Variants in LINGO2 observed in about 807,000 individuals in gnomAD.
LINGO2 encodes the protein leucine rich repeat and Ig domain containing 2.
A neutral mutation model predicts 30.6 loss-of-function variants in LINGO2; 14 were observed. The observed-to-expected ratio is 0.46, with a 90% CI of 0.30 to 0.72. LINGO2 has a LOEUF of 0.72. Among genes scored for constraint, LINGO2 ranks in the 30% least tolerant of loss-of-function variants. LINGO2 has a pLI of 0.07. For synonymous variants in LINGO2, 317 were observed against 288.5 expected (o/e 1.10, Z -1.00); for missense variants, 729 against 751.7 (o/e 0.97, Z 0.35).
At chr9:29,090,900 C>T in the LINGO2 span, among the ~76,000 whole-genome samples, 2 of 151,916 alleles carry the variant, frequency 1.3e-5, no homozygotes, top group African/African-American at 2.4e-5. Flanking sequence ...CCCTCTGATG[C>T]TTACTTTTCA....
chr9:28,483,439 G>T (rs775989562), intron 1 of LINGO2, among the ~76,000 whole-genome samples: 1 of 151,866 alleles, frequency 6.6e-6, no homozygotes, highest in Non-Finnish European at 1.5e-5. Flanking sequence ...ATGATGTTTT[G>T]TATTGAGTGC....
chr9:28,736,126 A>G, the LINGO2 span, among the ~76,000 whole-genome samples: 1 of 152,220 alleles, frequency 6.6e-6, no homozygotes, highest in Non-Finnish European at 1.5e-5. Flanking sequence ...ACAGAACTCA[A>G]CAGACTCTTG....
At chr9:28,192,190 A>G (rs1819845780) in intron 4 of LINGO2, among the ~76,000 whole-genome samples, 1 of 152,096 alleles carries the variant, frequency 6.6e-6, no homozygotes, top group Non-Finnish European at 1.5e-5. Flanking sequence ...TCATCTCTCA[A>G]ATGTGTATGT....
the LINGO2 span, among the ~76,000 whole-genome samples, chr9:28,781,003 T>C: frequency 6.6e-6 from 1 of 152,116 alleles, no homozygotes; most frequent in Admixed American, 6.6e-5. Context: ...TGTAAGGTAA[T>C]ACTAATAAGA....
At chr9:28,387,302 C>G (rs1243361326) in intron 2 of LINGO2, among the ~76,000 whole-genome samples, 2 of 151,964 alleles carry the variant, frequency 1.3e-5, no homozygotes. Context: ...ATGCACCAAT[C>G]AGCACTATAA....
At chr9:28,090,728 G>C (rs1826055296) in intron 4 of LINGO2, among the ~76,000 whole-genome samples, 1 of 152,122 alleles carries the variant, frequency 6.6e-6, no homozygotes, top group Admixed American at 6.6e-5. Context: ...AATTAGGGAG[G>C]AGAAAGAAAT....
chr9:29,119,863 G>T, the LINGO2 span, among the ~76,000 whole-genome samples: 3 of 151,990 alleles, frequency 2.0e-5, no homozygotes, highest in African/African-American at 7.2e-5. Context: ...CTCCCAAAGT[G>T]CTTGTAATTC....
chr9:28,755,330 T>G, the LINGO2 span, among the ~76,000 whole-genome samples: 2 of 152,126 alleles, frequency 1.3e-5, no homozygotes, highest in South Asian at 4.1e-4. Flanking sequence ...AAAGCTTTTC[T>G]ATTTACTAGC....
At chr9:28,248,460 G>C (rs1399383137) in intron 4 of LINGO2, among the ~76,000 whole-genome samples, 1 of 152,148 alleles carries the variant, frequency 6.6e-6, no homozygotes, top group African/African-American at 2.4e-5. Flanking sequence ...ACCAGTGGTT[G>C]GAATGGGTCA....
intron 4 of LINGO2, among the ~76,000 whole-genome samples, chr9:28,209,284 G>A (rs1267586957): frequency 6.6e-6 from 1 of 151,948 alleles, no homozygotes; most frequent in Non-Finnish European, 1.5e-5. Context: ...CCTAGGTTAA[G>A]GTGCTAAAAG....
At chr9:29,058,728 T>A in the LINGO2 span, among the ~76,000 whole-genome samples, 2 of 150,112 alleles carry the variant, frequency 1.3e-5, no homozygotes, top group Non-Finnish European at 3.0e-5. Flanking sequence ...AAAGGAAAAA[T>A]GAAAACCAAA....
chr9:28,347,289 G>A (rs77101422), intron 3 of LINGO2, among the ~76,000 whole-genome samples: 2,045 of 152,132 alleles, frequency 0.013, 37 homozygotes, highest in African/African-American at 0.047. Flanking sequence ...TATGATTAAG[G>A]CCCTTGCATT....
chr9:28,796,898 T>C, the LINGO2 span, among the ~76,000 whole-genome samples: 2 of 151,718 alleles, frequency 1.3e-5, no homozygotes, highest in African/African-American at 4.8e-5. Flanking sequence ...TAGTATTGGA[T>C]GATGGTCTGC....
At chr9:28,783,454 T>C in the LINGO2 span, among the ~76,000 whole-genome samples, 1 of 152,154 alleles carries the variant, frequency 6.6e-6, no homozygotes, top group East Asian at 1.9e-4. Flanking sequence ...TACTTTTATT[T>C]TTAAAATATT....
chr9:28,683,630 C>G, the LINGO2 span, among the ~76,000 whole-genome samples: 1 of 152,144 alleles, frequency 6.6e-6, no homozygotes, highest in African/African-American at 2.4e-5. Context: ...AGATGCCCAT[C>G]TTAGAGCCAG....
intron 3 of LINGO2, among the ~76,000 whole-genome samples, chr9:28,347,235 A>T (rs1587507419): frequency 6.6e-6 from 1 of 152,328 alleles, no homozygotes; most frequent in East Asian, 1.9e-4. Flanking sequence ...AAAATTATTA[A>T]ACCTATTATA....
chr9:28,732,106 T>C, the LINGO2 span, among the ~76,000 whole-genome samples: 2 of 152,112 alleles, frequency 1.3e-5, no homozygotes, highest in African/African-American at 2.4e-5. Context: ...GAACAACTAT[T>C]TTCAGGGAGC....
chr9:28,942,708 CT>C, the LINGO2 span, among the ~76,000 whole-genome samples: 2 of 152,120 alleles, frequency 1.3e-5, no homozygotes, highest in South Asian at 4.1e-4. Flanking sequence ...TATGCTATTA[CT>C]GTATACTTAA....
intron 4 of LINGO2, among the ~76,000 whole-genome samples, chr9:28,050,752 G>A (rs1436897807): frequency 6.6e-6 from 1 of 150,856 alleles, no homozygotes; most frequent in Non-Finnish European, 1.5e-5. Context: ...GGGGTAGCAT[G>A]CCATGATGTC....
Sources: gnomAD v4.1 joint callset for allele counts (sites outside exome capture counted in the v4.1 genomes callset) on GRCh38, gnomAD v4.1.1 for gene constraint, MANE v1.5 for transcripts, NCBI Gene and HGNC (gene_info 2026-07-23, HGNC 2026-07-21) for gene names.